KIF13A: variants seen among roughly 807,000 people sequenced by gnomAD.
KIF13A encodes kinesin family member 13A, also known as kinesin-like protein KIF13A.
In KIF13A, 79 loss-of-function variants were observed where a neutral mutation model predicts 212.2. The observed-to-expected ratio is 0.37, with a 90% CI of 0.31 to 0.45. The LOEUF (loss-of-function observed/expected upper bound fraction) is 0.45, where lower values mean the gene tolerates loss of function less well. Among genes scored for constraint, KIF13A ranks in the 20% least tolerant of loss-of-function variants. The probability of loss-of-function intolerance (pLI) is 1.00; values close to 1 mark genes in which losing one functional copy is unlikely to be tolerated. For missense variants in KIF13A, 1,901 were observed against 2,209.0 expected (o/e 0.86, Z 2.79); for synonymous variants, 789 against 808.6 (o/e 0.98, Z 0.41).
At chr6:17,964,430 C>T (rs1779120786) in intron 2 of KIF13A, among the ~76,000 whole-genome samples, 1 of 151,920 alleles carries the variant, frequency 6.6e-6, no homozygotes, top group Admixed American at 6.6e-5. Context: ...ACTTTATTCT[C>T]TATTGCCCTC....
chr6:17,975,573 A>AT (rs1336523450), intron 2 of KIF13A, among the ~76,000 whole-genome samples: 4 of 152,198 alleles, frequency 2.6e-5, no homozygotes, highest in Non-Finnish European at 5.9e-5. Context: ...GTACAGAACA[A>AT]AACGCGAACA....
At chr6:17,939,847 T>C (rs548339515) in intron 2 of KIF13A, among the ~76,000 whole-genome samples, 6 of 151,956 alleles carry the variant, frequency 3.9e-5, no homozygotes, top group Non-Finnish European at 8.8e-5. Context: ...GGTCAGGAGA[T>C]TGAGACCACG....
intron 2 of KIF13A, among the ~76,000 whole-genome samples, chr6:17,975,577 G>A (rs924695762): frequency 6.6e-6 from 1 of 152,106 alleles, no homozygotes; most frequent in African/African-American, 2.4e-5. Context: ...AGAACAAAAC[G>A]CGAACAAGTT....
chr6:17,864,981 C>T (rs542243393), intron 4 of KIF13A, among the ~76,000 whole-genome samples: 20 of 152,338 alleles, frequency 1.3e-4, no homozygotes, highest in South Asian at 2.1e-4. Flanking sequence ...ATCATTCCTA[C>T]ACCCAACATC....
chr6:17,784,534 A>T (rs1284752909), intron 28 of KIF13A, among the ~76,000 whole-genome samples: 1 of 152,206 alleles, frequency 6.6e-6, no homozygotes, highest in Non-Finnish European at 1.5e-5. Flanking sequence ...TTAAAAAAAT[A>T]AAAAAAGAAG....
In KIF13A at chr6:17,773,610, G is replaced by A. The variant is rs373383529; in HGVS notation, c.4219-27C>T. 32 of 1,337,808 alleles carry A rather than the reference G, an allele frequency of 2.4e-5. No homozygotes were observed. Among genetic ancestry groups the A allele is most frequent in the Non-Finnish European group, 3.3e-5 (31 of 941,478 alleles). 82.9% of individuals were successfully genotyped at this position (1,337,808 alleles called of 1,614,324 possible). A position where few individuals can be genotyped will look rare whatever the true frequency, so the allele number is the denominator to read the frequency against. ...TACAAGGTAAAAATATGGGTTAACT[G>A]TAATTGAATCACTCCAAAATAAGAA... On this transcript the variant is annotated intron_variant, in intron 35 of 38. Transcript: ENST00000259711. The surrounding 1 kb of genome is among the most constrained non-coding windows in gnomAD (Gnocchi z 4.2).
intron 9 of KIF13A, among the ~76,000 whole-genome samples, chr6:17,840,576 T>A (rs929341936): frequency 6.6e-6 from 1 of 152,186 alleles, no homozygotes; most frequent in Non-Finnish European, 1.5e-5. Flanking sequence ...AAAATACATT[T>A]TGGAGATGAC....
rs1491577539 is a variant in KIF13A at position 17,842,000 on chromosome 6, C to CAT, written c.831-4418_831-4417insAT. The stretch of plus-strand genomic sequence containing the variant: ...ATGTATGTATGTGTATATACACATA[C>CAT]GTGTGTGTGTGTGTGTGTGTGTGTG... On this transcript the variant is annotated intron_variant, in intron 9 of 38. Transcript: ENST00000259711. 1.3e-3 allele frequency among the ~76,000 whole-genome samples: 180 copies of CAT among 143,822 alleles called. 1 individual carries two copies. The highest frequency in any genetic ancestry group is 3.7e-3 in the Middle Eastern group (1 of 268). The allele number at this position is 143,822 out of a possible 152,430, so 94.4% of individuals were successfully genotyped here.
chr6:17,864,157 A>G (rs1166623785), intron 4 of KIF13A, among the ~76,000 whole-genome samples: 2 of 152,204 alleles, frequency 1.3e-5, no homozygotes, highest in African/African-American at 4.8e-5. Flanking sequence ...CAGAGCCATA[A>G]CATTGTCAAA....
At chr6:17,893,761 G>C (rs1183878647) in intron 3 of KIF13A, among the ~76,000 whole-genome samples, 1 of 151,542 alleles carries the variant, frequency 6.6e-6, no homozygotes, top group Non-Finnish European at 1.5e-5. Flanking sequence ...TCTACTGTTA[G>C]GCTGCTGCAA....
intron 4 of KIF13A, among the ~76,000 whole-genome samples, chr6:17,857,086 T>C (rs1485176431): frequency 6.6e-6 from 1 of 152,190 alleles, no homozygotes; most frequent in African/African-American, 2.4e-5. Flanking sequence ...TAGTTCCTTT[T>C]ACATTTGAAA....
At chr6:17,762,737 T>C (rs965246882), downstream of KIF13A, among the ~76,000 whole-genome samples, 2 of 152,230 alleles carry the variant, frequency 1.3e-5, no homozygotes, top group Non-Finnish European at 2.9e-5. Context: ...CATGTATTGC[T>C]TGCAAGAATG....
At position 17,764,556 on chromosome 6, in the gene KIF13A, CT is replaced by C. The variant is rs1758773614; in HGVS notation, c.4971del (p.Gly1658AlafsTer3). 6.2e-7 allele frequency: 1 copy of C among 1,613,892 alleles called. No homozygotes were observed. Among genetic ancestry groups the C allele is most frequent in the Non-Finnish European group, 8.5e-7 (1 of 1,179,862 alleles). ...ACAATTATCTTGTCCTTTACCAAGC[CT>C]TTTTCGACTTCTGTCAACTCTTTGT... ...SSNKELTEVEKGLVKDKIIVV... is the reference protein window; with the variant it reads ...SSNKELTEVEXGLVKDKIIVV... On this transcript the variant is annotated frameshift_variant, in exon 39 of 39. Coordinates refer to ENST00000259711, the MANE Select transcript of KIF13A (RefSeq NM_022113.6). LOFTEE classifies it low-confidence loss of function (END_TRUNC). The surrounding 1 kb of genome is among the most constrained non-coding windows in gnomAD (Gnocchi z 5.1).
At position 17,829,161 on chromosome 6, in the gene KIF13A, G is replaced by A. The variant is rs1368323452; in HGVS notation, c.1402-791C>T. Among the ~76,000 whole-genome samples the A allele has an allele frequency of 6.6e-6, 1 of 152,126 alleles. No homozygotes were observed. Among genetic ancestry groups the A allele is most frequent in the East Asian group, 1.9e-4 (1 of 5,196 alleles). ...GGGGTTTCACCATGTTCGCCAGCCT[G>A]GTCTTGAACTCCTGGCCTCAAGTGA... On this transcript the variant is annotated intron_variant, in intron 13 of 38. Coordinates refer to ENST00000259711, the MANE Select transcript of KIF13A (RefSeq NM_022113.6). This position sits in a 1 kb window ranked among gnomAD's most constrained non-coding sequence, Gnocchi z 5.4.
intron 12 of KIF13A, among the ~76,000 whole-genome samples, chr6:17,833,730 C>T (rs969426475): frequency 6.6e-6 from 1 of 151,638 alleles, no homozygotes; most frequent in Non-Finnish European, 1.5e-5. Flanking sequence ...GTAGTAGGCA[C>T]CTGTAATCCC....
chr6:17,804,304 T>C, intron 20 of KIF13A, 57 bp downstream of exon 20: 2 of 1,424,220 alleles, frequency 1.4e-6, no homozygotes, highest in Non-Finnish European at 1.9e-6. Flanking sequence ...AAAAACAAAA[T>C]AAAACAAAAC....
intron 4 of KIF13A, among the ~76,000 whole-genome samples, chr6:17,859,638 A>ATATATATATATATATATTTT (rs1461455926): frequency 8.9e-6 from 1 of 111,858 alleles, no homozygotes; most frequent in Non-Finnish European, 1.8e-5. Flanking sequence ...ATATATATAT[A>ATATATATATATATATATTTT]TTTTTTTTTT....
intron 2 of KIF13A, among the ~76,000 whole-genome samples, chr6:17,942,809 C>T (rs1379227130): frequency 6.6e-6 from 1 of 152,042 alleles, no homozygotes; most frequent in East Asian, 1.9e-4. Context: ...GAAACCCCAT[C>T]TCTACTAAAA....
intron 16 of KIF13A, among the ~76,000 whole-genome samples, chr6:17,824,478 G>T (rs766059348): frequency 6.6e-6 from 1 of 152,074 alleles, no homozygotes; most frequent in Middle Eastern, 3.4e-3. Context: ...CAAAATGCTC[G>T]GCTGGGCGTG....
Sources: gnomAD v4.1 joint callset for allele counts (sites outside exome capture counted in the v4.1 genomes callset) on GRCh38, gnomAD v4.1.1 for gene constraint, Gnocchi (gnomAD v3.1) non-coding constraint, MANE v1.5 for transcripts, NCBI Gene and HGNC (gene_info 2026-07-23, HGNC 2026-07-21) for gene names.